Variants in ABCA13 observed in about 807,000 individuals in gnomAD.
ABCA13 encodes the protein ATP binding cassette subfamily A member 13, also known as ATP-binding cassette sub-family A member 13.
A neutral mutation model predicts 478.7 loss-of-function variants in ABCA13; 476 were observed. That is an observed-to-expected ratio of 0.99 (90% confidence interval 0.92 to 1.07). The LOEUF is 1.07. ABCA13 is among the 50% of genes least tolerant of loss of function. The probability of loss-of-function intolerance (pLI) is 0.00; values close to 1 mark genes in which losing one functional copy is unlikely to be tolerated. For missense variants in ABCA13, 6,060 were observed against 5,910.6 expected, an observed-to-expected ratio of 1.03 and a Z score of -0.83; for synonymous variants, 2,252 against 2,158.9, an observed-to-expected ratio of 1.04 and a Z score of -1.20.
intron 52 of ABCA13, 142 bp downstream of exon 52, chr7:48,517,023 T>C: frequency 2.1e-6 from 2 of 966,714 alleles, no homozygotes; most frequent in Non-Finnish European, 1.5e-6. Context: ...TCCAGAGAGA[T>C]AAATGGATTC....
At chr7:48,445,703 G>C (rs749942116) in intron 42 of ABCA13, among the ~76,000 whole-genome samples, 1 of 152,018 alleles carries the variant, frequency 6.6e-6, no homozygotes. Flanking sequence ...CCTGTGGCAG[G>C]TTGTATTTAA....
chr7:48,453,120 A>G (rs1328346954), intron 42 of ABCA13, among the ~76,000 whole-genome samples: 1 of 152,214 alleles, frequency 6.6e-6, no homozygotes, highest in Non-Finnish European at 1.5e-5. Flanking sequence ...AGAGCTGTAT[A>G]TGGATCACCA....
chr7:48,327,338 C>A (rs1804492212), intron 27 of ABCA13, among the ~76,000 whole-genome samples: 1 of 152,152 alleles, frequency 6.6e-6, no homozygotes, highest in African/African-American at 2.4e-5. Context: ...ACAAGAATAG[C>A]ATGGGGAAAC....
chr7:48,371,723 G>A (rs1324004350), intron 32 of ABCA13, among the ~76,000 whole-genome samples: 1 of 152,120 alleles, frequency 6.6e-6, no homozygotes, highest in South Asian at 2.1e-4. Context: ...ATAGGATCAT[G>A]TCATCTGCAA....
chr7:48,612,181 G>A (rs568254473), intron 58 of ABCA13: 6 of 152,192 alleles, frequency 3.9e-5, no homozygotes, highest in African/African-American at 1.4e-4. Flanking sequence ...CTCAAGGGAA[G>A]TGGAGAAAAA....
chr7:48,643,549 A>G (rs572907351), intron 60 of ABCA13, among the ~76,000 whole-genome samples, 156 bp downstream of exon 60: 2 of 152,362 alleles, frequency 1.3e-5, no homozygotes, highest in Non-Finnish European at 2.9e-5. Context: ...TACCAAAAAT[A>G]GCATGGATAG....
intron 31 of ABCA13, among the ~76,000 whole-genome samples, chr7:48,360,554 C>T (rs149243839): frequency 6.6e-6 from 1 of 151,850 alleles, no homozygotes; most frequent in Non-Finnish European, 1.5e-5. Context: ...ATTTTTAGTT[C>T]TATAAACAAG....
At chr7:48,608,768 C>G (rs1390516625) in intron 58 of ABCA13, among the ~76,000 whole-genome samples, 3 of 152,152 alleles carry the variant, frequency 2.0e-5, no homozygotes, top group Non-Finnish European at 2.9e-5. Flanking sequence ...GTCTTCTTAT[C>G]CTAAGTTTAG....
intron 37 of ABCA13, among the ~76,000 whole-genome samples, chr7:48,390,221 G>A (rs1036118894): frequency 6.6e-6 from 1 of 152,130 alleles, no homozygotes; most frequent in African/African-American, 2.4e-5. Context: ...AATTGCATTT[G>A]GAGTTTCTAG....
intron 55 of ABCA13, among the ~76,000 whole-genome samples, chr7:48,536,577 G>T (rs1444066353): frequency 1.3e-5 from 2 of 151,976 alleles, no homozygotes; most frequent in African/African-American, 4.8e-5. Flanking sequence ...CAACTCTGGA[G>T]GCGGAGGTTG....
chr7:48,344,762 T>C (rs1374279343), intron 29 of ABCA13, among the ~76,000 whole-genome samples: 1 of 152,182 alleles, frequency 6.6e-6, no homozygotes, highest in African/African-American at 2.4e-5. Flanking sequence ...CTGTAATCCA[T>C]CTTTCTCTCA....
At chr7:48,298,060 G>T (rs768673160) in intron 22 of ABCA13, among the ~76,000 whole-genome samples, 15 of 151,928 alleles carry the variant, frequency 9.9e-5, no homozygotes, top group Admixed American at 2.6e-4. Flanking sequence ...TGGGATTACA[G>T]GTGTGAGCCA....
At chr7:48,177,865 G>GCTTCCCTGGC (rs1266274173) in intron 1 of ABCA13, among the ~76,000 whole-genome samples, 2 of 152,218 alleles carry the variant, frequency 1.3e-5, no homozygotes, top group African/African-American at 2.4e-5. Context: ...CTTGGCCTGG[G>GCTTCCCTGGC]CTTCCCTGGC....
chr7:48,366,078 A>T (rs1487654983), intron 31 of ABCA13, among the ~76,000 whole-genome samples: 1 of 152,180 alleles, frequency 6.6e-6, no homozygotes, highest in Non-Finnish European at 1.5e-5. Flanking sequence ...GAGGCATCAC[A>T]CTACTTGTCT....
chr7:48,297,897 C>T (rs1799614959), intron 22 of ABCA13, among the ~76,000 whole-genome samples: 1 of 151,272 alleles, frequency 6.6e-6, no homozygotes, highest in African/African-American at 2.4e-5. Context: ...GCCTCAGCCT[C>T]CTGAGTAGCT....
intron 59 of ABCA13, among the ~76,000 whole-genome samples, chr7:48,626,273 A>T (rs944609199): frequency 6.6e-6 from 1 of 152,170 alleles, no homozygotes; most frequent in Non-Finnish European, 1.5e-5. Flanking sequence ...ATGCACACAC[A>T]TTGTTTTAGG....
chr7:48,447,902 G>T (rs977794584), intron 42 of ABCA13, among the ~76,000 whole-genome samples: 1 of 152,340 alleles, frequency 6.6e-6, no homozygotes. Flanking sequence ...GATAGGAACA[G>T]TGAGGGAGAT....
At chr7:48,627,585 C>T (rs560454512) in intron 59 of ABCA13, among the ~76,000 whole-genome samples, 52 of 152,188 alleles carry the variant, frequency 3.4e-4, no homozygotes, top group African/African-American at 1.1e-3. Context: ...GATAATAATA[C>T]GTATTTTATA....
At chr7:48,504,980 G>T (rs990607763) in intron 48 of ABCA13, among the ~76,000 whole-genome samples, 1 of 152,104 alleles carries the variant, frequency 6.6e-6, no homozygotes, top group Non-Finnish European at 1.5e-5. Flanking sequence ...GACAGGTGAG[G>T]GATCAAGACC....
Sources: gnomAD v4.1 joint callset for allele counts (sites outside exome capture counted in the v4.1 genomes callset) on GRCh38, gnomAD v4.1.1 for gene constraint, MANE v1.5 for transcripts, NCBI Gene and HGNC (gene_info 2026-07-23, HGNC 2026-07-21) for gene names.